The following VAV3 variants were observed in gnomAD, a reference collection of about 807,000 sequenced individuals.
The protein encoded by VAV3 is guanine nucleotide exchange factor VAV3.
Under a neutral mutation model 131.2 loss-of-function variants are expected in VAV3, and 94 were observed. The observed-to-expected ratio is 0.72, with a 90% CI of 0.61 to 0.85. VAV3 has a LOEUF of 0.85. VAV3 is among the 40% of genes least tolerant of loss of function. The probability of loss-of-function intolerance (pLI) is 0.00; values close to 1 mark genes in which losing one functional copy is unlikely to be tolerated. For synonymous variants in VAV3, 349 were observed against 342.0 expected (o/e 1.02, Z -0.22); for missense variants, 939 against 1,002.7 (o/e 0.94, Z 0.86).
At chr1:107,925,496 T>C (rs1040135024) in intron 1 of VAV3, among the ~76,000 whole-genome samples, 4 of 152,196 alleles carry the variant, frequency 2.6e-5, no homozygotes, top group African/African-American at 7.2e-5. Context: ...TTATTCAACC[T>C]TAAATTTCAG....
chr1:107,723,783 C>G (rs770086493), intron 15 of VAV3, among the ~76,000 whole-genome samples: 6 of 152,084 alleles, frequency 3.9e-5, no homozygotes, highest in Non-Finnish European at 8.8e-5. Context: ...CTTGGTGGTA[C>G]CGTTGTTTTT....
At chr1:107,669,125 G>T (rs1657605251) in intron 19 of VAV3, 2 of 1,089,370 alleles carry the variant, frequency 1.8e-6, no homozygotes, top group South Asian at 2.4e-5. Context: ...ATTGAAGACA[G>T]AAAAATTCTT....
Position 107,881,442 on chromosome 1 carries a change from G to A in VAV3, c.205-6425C>T, listed in dbSNP as rs149044764. On this transcript the variant is annotated intron_variant, in intron 1 of 26. Transcript: ENST00000370056. The stretch of plus-strand genomic sequence containing the variant: ...CTTAGCAAATTGGGGGACATAGTAT[G>A]TGAAAAGGAGGCCAGGGAGTCAGTT... Among the ~76,000 whole-genome samples, 8 of 152,288 alleles carry A rather than the reference G, an allele frequency of 5.3e-5. No homozygotes were observed. The East Asian group carries it at 7.7e-4, about 15-fold the overall frequency.
intron 2 of VAV3, among the ~76,000 whole-genome samples, chr1:107,844,707 G>T (rs1244409991): frequency 1.3e-5 from 2 of 152,114 alleles, no homozygotes; most frequent in Non-Finnish European, 2.9e-5. Context: ...ACTGGGTGGA[G>T]CCCACCACAG....
At chr1:107,894,471 C>T (rs1231231904) in intron 1 of VAV3, among the ~76,000 whole-genome samples, 6 of 152,016 alleles carry the variant, frequency 3.9e-5, no homozygotes, top group Non-Finnish European at 8.8e-5. Flanking sequence ...GCTGAACTCT[C>T]ATAATAAGGA....
chr1:107,876,833 GA>G (rs977713511), intron 1 of VAV3, among the ~76,000 whole-genome samples: 10 of 152,044 alleles, frequency 6.6e-5, no homozygotes, highest in East Asian at 1.9e-4. Flanking sequence ...TAAAAAAATG[GA>G]AAAAAACCTA....
At chr1:107,901,580 T>G (rs1671857669) in intron 1 of VAV3, among the ~76,000 whole-genome samples, 1 of 152,224 alleles carries the variant, frequency 6.6e-6, no homozygotes. Context: ...AGAAGTTATG[T>G]AGTGCCCAAC....
chr1:107,881,320 G>A (rs967316056), intron 1 of VAV3, among the ~76,000 whole-genome samples: 3 of 152,154 alleles, frequency 2.0e-5, no homozygotes, highest in African/African-American at 7.2e-5. Context: ...GTGTGGGGAC[G>A]CAGTGGGAGA....
intron 25 of VAV3, among the ~76,000 whole-genome samples, chr1:107,581,744 G>C (rs1650069708): frequency 6.6e-6 from 1 of 152,162 alleles, no homozygotes; most frequent in African/African-American, 2.4e-5. Flanking sequence ...GCTAAGGATT[G>C]TTTTAAAGTA....
chr1:107,827,991 G>T (rs1668087265), intron 2 of VAV3, among the ~76,000 whole-genome samples: 1 of 152,166 alleles, frequency 6.6e-6, no homozygotes, highest in Non-Finnish European at 1.5e-5. Flanking sequence ...GGACATGGGA[G>T]TCAAGACCAG....
At chr1:107,922,542 T>C (rs1672948692) in intron 1 of VAV3, among the ~76,000 whole-genome samples, 1 of 152,192 alleles carries the variant, frequency 6.6e-6, no homozygotes, top group Admixed American at 6.5e-5. Context: ...GCCTAAAAAA[T>C]AGTAATTTCC....
chr1:107,636,027 A>G (rs1654905197), intron 20 of VAV3, among the ~76,000 whole-genome samples: 1 of 152,190 alleles, frequency 6.6e-6, no homozygotes, highest in Non-Finnish European at 1.5e-5. Flanking sequence ...TTAAAACTCT[A>G]CCTTGTACAT....
At chr1:107,804,122 C>T (rs80353498) in intron 2 of VAV3, among the ~76,000 whole-genome samples, 22,924 of 151,972 alleles carry the variant, frequency 0.15, 1,992 homozygotes, top group East Asian at 0.29. Flanking sequence ...TTTCAGCCTA[C>T]ATGTGTCTTC....
chr1:107,587,555 ATGTATGTT>A (rs1375675537), intron 25 of VAV3, among the ~76,000 whole-genome samples: 4 of 152,130 alleles, frequency 2.6e-5, no homozygotes, highest in Non-Finnish European at 5.9e-5. Flanking sequence ...CCAGTTATGT[ATGTATGTT>A]TGTATGTATG....
chr1:107,912,361 A>G (rs1463364593), intron 1 of VAV3, among the ~76,000 whole-genome samples: 2 of 152,254 alleles, frequency 1.3e-5, no homozygotes, highest in African/African-American at 4.8e-5. Context: ...CCAAGGGCAG[A>G]TAGTGATTAA....
At chr1:107,907,742 C>A (rs1407551083) in intron 1 of VAV3, among the ~76,000 whole-genome samples, 1 of 152,094 alleles carries the variant, frequency 6.6e-6, no homozygotes, top group East Asian at 1.9e-4. Flanking sequence ...CCACCTTCCA[C>A]CATGGTATGA....
chr1:107,712,856 G>A (rs531062889), intron 15 of VAV3, among the ~76,000 whole-genome samples: 3 of 152,266 alleles, frequency 2.0e-5, no homozygotes, highest in East Asian at 1.9e-4. Flanking sequence ...GAAAGATCAC[G>A]TTAGGAAAAC....
At position 107,964,722 on chromosome 1, in the gene VAV3, G is replaced by C. The variant is rs201435660; in HGVS notation, c.148C>G (p.Leu50Val). ...TTCAGGTTGATGGAGTGCGCCCGGA[G>C]GTTGTTAAGCAGCTGGCAGAGCAGG... Reference protein sequence around the residue: ...GVLLCQLLNNLRAHSINLKEI... With the variant: ...GVLLCQLLNNVRAHSINLKEI... Residue 50 changes from leucine to valine, a missense_variant, in exon 1 of 27, where the codon CTC (leucine) becomes GTC (valine). By Grantham distance (32) the Leu-to-Val change is conservative. Transcript: ENST00000370056. The C allele has an allele frequency of 6.2e-7, 1 of 1,614,154 alleles. No homozygotes were observed. Among genetic ancestry groups the C allele is most frequent in the East Asian group, 2.2e-5 (1 of 44,856 alleles).
chr1:107,647,969 T>C (rs1479078404), intron 19 of VAV3, among the ~76,000 whole-genome samples: 1 of 151,948 alleles, frequency 6.6e-6, no homozygotes, highest in African/African-American at 2.4e-5. Flanking sequence ...AAGCATGACT[T>C]TTTCATTGAT....
Sources: allele counts gnomAD v4.1 joint callset (sites outside exome capture counted in the v4.1 genomes callset), GRCh38; gene constraint gnomAD v4.1.1; transcripts MANE v1.5; gene names NCBI Gene and HGNC (gene_info 2026-07-23, HGNC 2026-07-21).